Variants in NREP observed in about 807,000 individuals in gnomAD.
NREP encodes neuronal regeneration-related protein.
Under a neutral mutation model 8.6 loss-of-function variants are expected in NREP, and 5 were observed. The ratio of observed to expected loss-of-function variants is 0.58; its 90% CI spans 0.30 to 1.22. NREP has a LOEUF of 1.22. Among genes scored for constraint, NREP ranks in the 50% most tolerant of loss-of-function variants. The pLI is 0.07. For missense variants in NREP, 86 were observed against 82.5 expected (o/e 1.04, Z -0.17); for synonymous variants, 27 against 28.0 (o/e 0.96, Z 0.11).
intron 1 of NREP, among the ~76,000 whole-genome samples, chr5:111,975,672 A>G (rs1003512466): frequency 6.6e-6 from 1 of 152,232 alleles, no homozygotes; most frequent in African/African-American, 2.4e-5. Context: ...ATAGAAAAAC[A>G]GTATCCATAA....
chr5:111,921,433 G>A (rs906692223), intron 2 of NREP, among the ~76,000 whole-genome samples: 2 of 152,052 alleles, frequency 1.3e-5, no homozygotes, highest in Admixed American at 1.3e-4. Context: ...TAATTTTTGG[G>A]TGGCATCCCT....
intron 2 of NREP, among the ~76,000 whole-genome samples, chr5:111,965,890 T>TC (rs1219203777): frequency 6.6e-6 from 1 of 151,910 alleles, no homozygotes; most frequent in Non-Finnish European, 1.5e-5. Context: ...CAGTTATTCT[T>TC]TAAAAAAAAA....
At chr5:111,897,263 C>T (rs1754533293) in intron 2 of NREP, among the ~76,000 whole-genome samples, 1 of 152,030 alleles carries the variant, frequency 6.6e-6, no homozygotes. Context: ...TTTCCCAGGG[C>T]CCTACAGCTG....
At chr5:111,951,622 G>A (rs1218838836) in intron 2 of NREP, among the ~76,000 whole-genome samples, 2 of 151,924 alleles carry the variant, frequency 1.3e-5, no homozygotes, top group African/African-American at 4.8e-5. Context: ...CACATAGATG[G>A]GTTGAAGGCT....
At chr5:111,838,948 A>G (rs549701337) in intron 2 of NREP, among the ~76,000 whole-genome samples, 5 of 152,224 alleles carry the variant, frequency 3.3e-5, no homozygotes, top group African/African-American at 7.2e-5. Context: ...AGTATTGTCA[A>G]TTTTGATAAG....
intron 2 of NREP, among the ~76,000 whole-genome samples, chr5:111,788,399 T>C (rs749144854): frequency 2.2e-4 from 33 of 152,216 alleles, no homozygotes; most frequent in Non-Finnish European, 3.8e-4. Context: ...TGTGCATATA[T>C]ATGTGGAAAT....
chr5:111,963,651 T>G (rs1255397946), intron 2 of NREP, among the ~76,000 whole-genome samples: 1 of 152,162 alleles, frequency 6.6e-6, no homozygotes, highest in East Asian at 1.9e-4. Flanking sequence ...CAGTTTGTAC[T>G]CAAGACCAGT....
intron 2 of NREP, among the ~76,000 whole-genome samples, chr5:111,951,742 G>A (rs189195061): frequency 1.9e-3 from 282 of 152,038 alleles, no homozygotes; most frequent in African/African-American, 6.5e-3. Flanking sequence ...TGTTCCTCAT[G>A]CTCACCAGCA....
At position 111,739,587 on chromosome 5, in the gene NREP, C is replaced by G. The variant is rs557659664; in HGVS notation, c.4-4080G>C. On this transcript the variant is annotated intron_variant, in intron 2 of 3. Coordinates refer to ENST00000257435, the MANE Select transcript of NREP (RefSeq NM_004772.4). ...CTGTGCTTGCTGAACTGTAAAGCTG[C>G]CCATTCTTCTTGGTGCTCATCAACT... The G allele has an allele frequency of 6.6e-5, 10 of 152,272 alleles. No individual in the cohort carries two copies. In the South Asian group the frequency reaches 1.9e-3, roughly 28 times the overall value. 9.4% of individuals were successfully genotyped at this position (152,272 alleles called of 1,614,324 possible). A position where few individuals can be genotyped will look rare whatever the true frequency, so the allele number is the denominator to read the frequency against.
intron 2 of NREP, among the ~76,000 whole-genome samples, chr5:111,773,693 T>C (rs1751289931): frequency 6.6e-6 from 1 of 152,176 alleles, no homozygotes; most frequent in South Asian, 2.1e-4. Context: ...AGGTTTGAGA[T>C]CATCTAAAGT....
intron 2 of NREP, among the ~76,000 whole-genome samples, chr5:111,817,526 C>T (rs186989789): frequency 6.6e-6 from 1 of 152,028 alleles, no homozygotes; most frequent in Non-Finnish European, 1.5e-5. Flanking sequence ...ATATTAGAGG[C>T]TTGGCATGGT....
intron 2 of NREP, among the ~76,000 whole-genome samples, chr5:111,904,179 T>G (rs527950941): frequency 1.3e-5 from 2 of 152,284 alleles, no homozygotes; most frequent in African/African-American, 4.8e-5. Context: ...CATGTGGTAT[T>G]TGTTACTATT....
intron 2 of NREP, among the ~76,000 whole-genome samples, chr5:111,882,348 G>C (rs138995493): frequency 3.3e-5 from 5 of 152,178 alleles, no homozygotes; most frequent in African/African-American, 4.8e-5. Context: ...CTGAATCTAC[G>C]TCTGATTGGT....
intron 2 of NREP, among the ~76,000 whole-genome samples, chr5:111,938,257 G>A (rs17496042): frequency 0.2 from 30,545 of 151,984 alleles, 3,538 homozygotes; most frequent in Middle Eastern, 0.29. Context: ...TACAAAGGCT[G>A]ATTCTTACTT....
chr5:111,835,818 A>G (rs778061404), intron 2 of NREP, among the ~76,000 whole-genome samples: 25 of 152,128 alleles, frequency 1.6e-4, no homozygotes, highest in Non-Finnish European at 2.8e-4. Context: ...TTGCTGTATA[A>G]AGTTCATAGG....
chr5:111,907,017 G>T (rs535661278), intron 2 of NREP, among the ~76,000 whole-genome samples: 16 of 152,048 alleles, frequency 1.1e-4, no homozygotes, highest in African/African-American at 3.4e-4. Flanking sequence ...CAATCCTCCT[G>T]CCTAGGCCTC....
At chr5:111,844,921 G>A (rs1335935897) in intron 2 of NREP, among the ~76,000 whole-genome samples, 1 of 151,370 alleles carries the variant, frequency 6.6e-6, no homozygotes, top group East Asian at 1.9e-4. Flanking sequence ...CTATTATTAT[G>A]TATTTTACAT....
chr5:111,771,031 A>G (rs1372747780), intron 2 of NREP, among the ~76,000 whole-genome samples: 4 of 152,210 alleles, frequency 2.6e-5, no homozygotes, highest in Non-Finnish European at 5.9e-5. Flanking sequence ...TGAAGAATAA[A>G]GTGTTCAAAC....
chr5:111,965,669 A>G (rs1407579492), intron 2 of NREP, among the ~76,000 whole-genome samples: 2 of 152,200 alleles, frequency 1.3e-5, no homozygotes, highest in Admixed American at 6.5e-5. Context: ...ATATCACTAT[A>G]TATCTTAAAA....
Sources: gnomAD v4.1 joint callset for allele counts (sites outside exome capture counted in the v4.1 genomes callset) on GRCh38, gnomAD v4.1.1 for gene constraint, MANE v1.5 for transcripts, NCBI Gene and HGNC (gene_info 2026-07-23, HGNC 2026-07-21) for gene names.